KCNIP1: variants seen among roughly 807,000 people sequenced by gnomAD.
KCNIP1 encodes potassium voltage-gated channel interacting protein 1.
Under a neutral mutation model 33.0 loss-of-function variants are expected in KCNIP1, and 18 were observed. The ratio of observed to expected loss-of-function variants is 0.55; its 90% CI spans 0.38 to 0.81. The LOEUF (loss-of-function observed/expected upper bound fraction) is 0.81, where lower values mean the gene tolerates loss of function less well. Ranked by LOEUF, KCNIP1 falls within the 30% of genes least tolerant of loss-of-function variation. The pLI is 0.00. For missense variants in KCNIP1, 238 were observed against 271.6 expected, an observed-to-expected ratio of 0.88 and a Z score of 0.87; for synonymous variants, 93 against 98.3, an observed-to-expected ratio of 0.95 and a Z score of 0.32.
At chr5:170,518,700 A>C (rs1755243598) in intron 1 of KCNIP1, among the ~76,000 whole-genome samples, 1 of 152,118 alleles carries the variant, frequency 6.6e-6, no homozygotes, top group African/African-American at 2.4e-5. Context: ...TGGCACCTAC[A>C]CTGCCCCTGG....
chr5:170,731,901 A>AAAAAAAAG (rs1581558255), intron 5 of KCNIP1, among the ~76,000 whole-genome samples: 1 of 19,550 alleles, frequency 5.1e-5, no homozygotes. Context: ...AAAAAAAAAA[A>AAAAAAAAG]AGAAAAGCTG....
chr5:170,556,950 C>T (rs1014567228), intron 1 of KCNIP1, among the ~76,000 whole-genome samples: 3 of 152,182 alleles, frequency 2.0e-5, no homozygotes, highest in African/African-American at 7.2e-5. Context: ...GGGCGTTCTG[C>T]CTTAGGAGTC....
chr5:170,697,834 G>T (rs1561770917), intron 1 of KCNIP1, among the ~76,000 whole-genome samples: 1 of 152,056 alleles, frequency 6.6e-6, no homozygotes, highest in Non-Finnish European at 1.5e-5. Context: ...GTCTGGGTGT[G>T]GACCTTCCCC....
Position 170,735,761 on chromosome 5 carries a change from C to G in KCNIP1, c.606C>G (p.Asp202Glu). The G allele has an allele frequency of 6.2e-7, 1 of 1,613,742 alleles. No homozygotes were observed. The highest frequency in any genetic ancestry group is 1.3e-5 in the African/African-American group (1 of 75,002). The change falls in exon 8 of 8, where the codon GAC (aspartate) becomes GAG (glutamate). Residue 202 changes from aspartate to glutamate, a missense_variant and splice_region_variant. By Grantham distance (45) the Asp-to-Glu change is conservative. Transcript: ENST00000328939. ...LDEFLESCQE[D>E]DNIMRSLQLF... ...CTCTTGCCCTCCTTTTTTCCCAGGACGACAACATCATGAGGTCTCTCCAGC... is the reference window on the plus strand; with the variant it reads ...CTCTTGCCCTCCTTTTTTCCCAGGAGGACAACATCATGAGGTCTCTCCAGC...
At chr5:170,675,552 C>T (rs1244112599) in intron 1 of KCNIP1, among the ~76,000 whole-genome samples, 4 of 152,124 alleles carry the variant, frequency 2.6e-5, no homozygotes, top group East Asian at 1.9e-4. Flanking sequence ...ACCCAGGAGG[C>T]GGAGGTTGCA....
intron 1 of KCNIP1, among the ~76,000 whole-genome samples, chr5:170,704,109 G>T (rs1442609965): frequency 1.5e-5 from 2 of 136,882 alleles, no homozygotes; most frequent in Admixed American, 8.1e-5. Flanking sequence ...TTTTAAGGGT[G>T]GATAGGATTA....
chr5:170,503,393 C>A (rs1434870360), upstream of KCNIP1, among the ~76,000 whole-genome samples: 411 of 112,232 alleles, frequency 3.7e-3, no homozygotes, highest in East Asian at 5.5e-3. Flanking sequence ...GACTCCGTCT[C>A]AAAAAAAAAA....
intron 1 of KCNIP1, among the ~76,000 whole-genome samples, chr5:170,712,043 G>A (rs1345331669): frequency 6.6e-6 from 1 of 152,146 alleles, no homozygotes; most frequent in African/African-American, 2.4e-5. Flanking sequence ...GGAAATCCAG[G>A]CCAACCACAA....
chr5:170,391,189 G>A (rs962399072), intron 1 of KCNIP1, among the ~76,000 whole-genome samples: 2 of 152,088 alleles, frequency 1.3e-5, no homozygotes, highest in Admixed American at 1.3e-4. Context: ...AGTCCTCCTG[G>A]GGCTAATCCA....
intron 1 of KCNIP1, among the ~76,000 whole-genome samples, chr5:170,637,068 A>G (rs367871643): frequency 2.0e-5 from 3 of 152,192 alleles, no homozygotes; most frequent in Admixed American, 6.5e-5. Flanking sequence ...GTGCATTCAA[A>G]ATAGACAGCC....
intron 1 of KCNIP1, among the ~76,000 whole-genome samples, chr5:170,697,052 C>A (rs991309777): frequency 6.6e-6 from 1 of 151,606 alleles, no homozygotes; most frequent in Middle Eastern, 3.2e-3. Context: ...CCTCCATCTC[C>A]TCCTCCTCCT....
At position 170,596,625 on chromosome 5, in the gene KCNIP1, A is replaced by T. The variant is rs149451692; in HGVS notation, c.61+91992A>T. ...AGCTCTGCCAGCTACTGGCCAAACC[A>T]CTGGGGGCCAGTGCCTCGGCCATCT... On this transcript the variant is annotated intron_variant, in intron 1 of 7. Transcript: ENST00000328939. Among the ~76,000 whole-genome samples, 956 of 152,344 alleles carry T rather than the reference A, an allele frequency of 6.3e-3. 4 individuals carry two copies. The highest frequency in any genetic ancestry group is 0.011 in the Non-Finnish European group (742 of 68,040).
chr5:170,380,783 T>C (rs1764207472), intron 1 of KCNIP1, among the ~76,000 whole-genome samples: 1 of 152,186 alleles, frequency 6.6e-6, no homozygotes, highest in South Asian at 2.1e-4. Flanking sequence ...GCTCCTTAAA[T>C]AGCAGTGTGG....
intron 1 of KCNIP1, among the ~76,000 whole-genome samples, chr5:170,510,003 G>A (rs1051987969): frequency 1.1e-4 from 16 of 152,148 alleles, no homozygotes; most frequent in African/African-American, 3.9e-4. Flanking sequence ...TGTTCACTTA[G>A]CCAGTCCCAC....
chr5:170,605,972 G>T (rs183898015), intron 1 of KCNIP1, among the ~76,000 whole-genome samples: 37 of 152,058 alleles, frequency 2.4e-4, no homozygotes, highest in Admixed American at 7.2e-4. Flanking sequence ...ACGGGGTTTT[G>T]CCATGTTGGC....
intron 1 of KCNIP1, among the ~76,000 whole-genome samples, chr5:170,611,468 G>A (rs1487727030): frequency 6.6e-6 from 1 of 152,224 alleles, no homozygotes; most frequent in East Asian, 1.9e-4. Flanking sequence ...AGAGCTTAGG[G>A]TTAATTGATT....
chr5:170,604,844 G>A (rs1044337961), intron 1 of KCNIP1, among the ~76,000 whole-genome samples: 4 of 152,224 alleles, frequency 2.6e-5, no homozygotes, highest in African/African-American at 7.2e-5. Flanking sequence ...GCTGGTGTGC[G>A]TGTCCACACA....
intron 1 of KCNIP1, among the ~76,000 whole-genome samples, chr5:170,682,905 A>T (rs1348966333): frequency 6.9e-6 from 1 of 145,978 alleles, no homozygotes; most frequent in Non-Finnish European, 1.5e-5. Context: ...CTGGGATTAC[A>T]GGCGTGAGCC....
intron 1 of KCNIP1, among the ~76,000 whole-genome samples, chr5:170,709,476 G>A (rs11739371): frequency 0.04 from 6,023 of 152,170 alleles, 160 homozygotes; most frequent in Middle Eastern, 0.082. Flanking sequence ...TTCTTGATTT[G>A]TGTTTGCATG....
Sources: gnomAD v4.1 joint callset for allele counts (sites outside exome capture counted in the v4.1 genomes callset) on GRCh38, gnomAD v4.1.1 for gene constraint, MANE v1.5 for transcripts, NCBI Gene and HGNC (gene_info 2026-07-23, HGNC 2026-07-21) for gene names.